The following RHBDL3 variants were observed in gnomAD, a reference collection of about 807,000 sequenced individuals.
RHBDL3 encodes rhomboid like 3.
In RHBDL3, 28 loss-of-function variants were observed where a neutral mutation model predicts 48.2. The ratio of observed to expected loss-of-function variants is 0.58; its 90% CI spans 0.43 to 0.80. The LOEUF (loss-of-function observed/expected upper bound fraction) is 0.80, where lower values mean the gene tolerates loss of function less well. RHBDL3 is among the 30% of genes least tolerant of loss of function. RHBDL3 has a pLI of 0.00. For synonymous variants in RHBDL3, 208 were observed against 232.3 expected (o/e 0.90, Z 0.95); for missense variants, 464 against 542.7 (o/e 0.85, Z 1.44).
chr17:32,288,516 T>G, intron 3 of RHBDL3: 3 of 417,046 alleles, frequency 7.2e-6, no homozygotes, highest in Non-Finnish European at 8.8e-6. Context: ...GCTCTCGGTG[T>G]CTCAGTTTCC....
chr17:32,285,569 T>C (rs2040179745), intron 3 of RHBDL3, among the ~76,000 whole-genome samples: 1 of 152,110 alleles, frequency 6.6e-6, no homozygotes, highest in South Asian at 2.1e-4. Flanking sequence ...AGTGCTGCGC[T>C]ATTTCAGGGG....
At position 32,288,934 on chromosome 17, in the gene RHBDL3, G is replaced by A. The variant is rs762346732; in HGVS notation, c.437G>A (p.Arg146Gln). 71 of 1,614,076 alleles carry A rather than the reference G, an allele frequency of 4.4e-5. No individual in the cohort carries two copies. Among genetic ancestry groups the A allele is most frequent in the East Asian group, 1.6e-4 (7 of 44,888 alleles). The change falls in exon 4 of 9, where the codon CGG (arginine) becomes CAG (glutamine). Residue 146 changes from arginine to glutamine, a missense_variant. Physicochemically the swap from Arg to Gln is conservative, Grantham distance 43. Transcript: ENST00000269051. Reference protein sequence around the residue: ...IRHVAYETLPREIDRKWYYDS... With the variant: ...IRHVAYETLPQEIDRKWYYDS... ...CATGTGGCCTATGAGACCCTGCCCC[G>A]GGAAATTGACCGCAAGTGGTACTAT...
In RHBDL3 at chr17:32,284,692, G is replaced by C. The variant is rs1026704363; in HGVS notation, c.169G>C (p.Gly57Arg). The C allele has an allele frequency of 7.4e-6, 12 of 1,614,190 alleles. No homozygotes were observed. Among genetic ancestry groups the C allele is most frequent in the African/African-American group, 1.3e-5 (1 of 75,052 alleles). ...TGGGAACACAGGCTACATTAGCACA[G>C]GCAAGTTCCGGAGTCTTCTGGAGAG... Reference protein sequence around the residue: ...DPGNTGYISTGKFRSLLESHS... With the variant: ...DPGNTGYISTRKFRSLLESHS... Residue 57 changes from glycine (G) to arginine (R), a missense_variant, in exon 3 of 9, where the codon GGC becomes CGC. Transcript: ENST00000269051.
At chr17:32,276,378 A>G (rs2039899550) in intron 2 of RHBDL3, among the ~76,000 whole-genome samples, 1 of 152,114 alleles carries the variant, frequency 6.6e-6, no homozygotes, top group East Asian at 1.9e-4. Context: ...CTGGGAGAGA[A>G]AGCTCCTACT....
chr17:32,299,452 G>A (rs902911845), intron 6 of RHBDL3, among the ~76,000 whole-genome samples: 6 of 152,118 alleles, frequency 3.9e-5, no homozygotes, highest in African/African-American at 1.4e-4. Context: ...GGGCTAATGA[G>A]CATCTCTAAG....
chr17:32,301,159 C>T (rs1206647499), intron 6 of RHBDL3, among the ~76,000 whole-genome samples: 6 of 151,740 alleles, frequency 4.0e-5, no homozygotes, highest in Non-Finnish European at 5.9e-5. Context: ...GGATTACAGG[C>T]GTGAGCCACT....
intron 8 of RHBDL3, among the ~76,000 whole-genome samples, chr17:32,320,719 C>G (rs1029769838): frequency 6.6e-6 from 1 of 152,240 alleles, no homozygotes; most frequent in Admixed American, 6.5e-5. Context: ...TGTTTCCCCC[C>G]ATAGATGTCT....
At chr17:32,269,698 C>G (rs1051156317) in intron 2 of RHBDL3, among the ~76,000 whole-genome samples, 1 of 152,250 alleles carries the variant, frequency 6.6e-6, no homozygotes, top group African/African-American at 2.4e-5. Context: ...GCTGCCAGCC[C>G]TTCACACCTC....
intron 1 of RHBDL3, among the ~76,000 whole-genome samples, chr17:32,267,494 A>G (rs1258602512): frequency 6.6e-6 from 1 of 150,824 alleles, no homozygotes; most frequent in Non-Finnish European, 1.5e-5. Flanking sequence ...GTCTGATGGA[A>G]TTGCACCTGG....
rs1034033016 is a variant in RHBDL3, at chr17:32,306,182, G to A, written c.882+741G>A. Among the ~76,000 whole-genome samples the A allele has an allele frequency of 3.9e-5, 6 of 152,174 alleles. No individual in the cohort carries two copies. In the East Asian group the frequency reaches 7.8e-4, roughly 20 times the overall value. ...CTCATGCCTGTAATCCCAGCACTTT[G>A]GGAGGCCAAGGCAGGCGGATCATGA... On this transcript the variant is annotated intron_variant, in intron 7 of 8. Coordinates refer to ENST00000269051, the MANE Select transcript of RHBDL3 (RefSeq NM_138328.3).
At position 32,288,844 on chromosome 17, in the gene RHBDL3, G is replaced by A. The variant is rs370514139; in HGVS notation, c.347G>A (p.Arg116His). Residue 116 changes from arginine (R) to histidine (H), a missense_variant, in exon 4 of 9, where the codon CGC becomes CAC. Coordinates refer to ENST00000269051, the MANE Select transcript of RHBDL3 (RefSeq NM_138328.3). The part of the protein sequence containing the change: ...SFRQAILQGN[R>H]RLSSKALLEE... Reference sequence around the variant, plus strand: ...CGCCAAGCCATCCTGCAGGGCAACCGCAGGCTAAGCAGCAAGGCCCTGCTG... The same window carrying A: ...CGCCAAGCCATCCTGCAGGGCAACCACAGGCTAAGCAGCAAGGCCCTGCTG... The A allele has an allele frequency of 1.6e-5, 26 of 1,613,874 alleles. No individual in the cohort carries two copies. The highest frequency in any genetic ancestry group is 6.7e-5 in the East Asian group (3 of 44,894).
chr17:32,305,008 C>T (rs887357202), intron 6 of RHBDL3, among the ~76,000 whole-genome samples: 2 of 152,132 alleles, frequency 1.3e-5, no homozygotes. Context: ...GTAGTTCCAG[C>T]TACTTGGGAA....
Position 32,284,640 on chromosome 17 carries a change from C to T in RHBDL3, c.136-19C>T. The T allele has an allele frequency of 6.2e-7, 1 of 1,612,382 alleles. No homozygotes were observed. The highest frequency in any genetic ancestry group is 8.5e-7 in the Non-Finnish European group (1 of 1,178,570). On this transcript the variant is annotated intron_variant, in intron 2 of 8. Transcript: ENST00000269051. Reference sequence around the variant, plus strand: ...AGGTGGTGCCCTGCTGACCCTGCTGCTGTCTGCTTTTCCCTCAGTTTGACC... The same window carrying T: ...AGGTGGTGCCCTGCTGACCCTGCTGTTGTCTGCTTTTCCCTCAGTTTGACC...
intron 2 of RHBDL3, 148 bp from the exon 3 acceptor site, chr17:32,284,511 G>A: frequency 3.0e-6 from 2 of 669,894 alleles, no homozygotes; most frequent in East Asian, 2.7e-5. Flanking sequence ...GTTTCCCAGG[G>A]GGGTCCTTGG....
At chr17:32,276,572 G>T (rs529586363) in intron 2 of RHBDL3, among the ~76,000 whole-genome samples, 57 of 152,246 alleles carry the variant, frequency 3.7e-4, no homozygotes, top group African/African-American at 1.3e-3. Context: ...GAGTAATGAG[G>T]CAGGGGGCCA....
chr17:32,282,768 G>T (rs1300045101), intron 2 of RHBDL3, among the ~76,000 whole-genome samples: 1 of 152,100 alleles, frequency 6.6e-6, no homozygotes, highest in African/African-American at 2.4e-5. Flanking sequence ...GACTACAGGC[G>T]CCTGCAACCA....
At chr17:32,299,562 A>C (rs970438954) in intron 6 of RHBDL3, among the ~76,000 whole-genome samples, 2 of 152,236 alleles carry the variant, frequency 1.3e-5, no homozygotes, top group Non-Finnish European at 1.5e-5. Flanking sequence ...CCAGATGTTA[A>C]ATAGCAAGGA....
chr17:32,266,853 C>T (rs1029672938), intron 1 of RHBDL3, among the ~76,000 whole-genome samples: 2 of 151,900 alleles, frequency 1.3e-5, no homozygotes, highest in Admixed American at 6.6e-5. Flanking sequence ...GCAAAGAGTG[C>T]TGGGAGCGGC....
chr17:32,298,094 T>C lies in RHBDL3; in HGVS notation c.671T>C (p.Ile224Thr), dbSNP rs753285648. The change falls in exon 6 of 9, where the codon ATA (isoleucine) becomes ACA (threonine). Residue 224 changes from isoleucine (I) to threonine (T), a missense_variant and splice_region_variant. Physicochemically the swap from Ile to Thr is moderately conservative, Grantham distance 89. Transcript: ENST00000269051. ...TGAGTGTGGTCTCTCTGTCACAGGA[T>C]AGAACACCTGGGACTCAATGTGGTG... The part of the protein sequence containing the change: ...YLTYIFMHAG[I>T]EHLGLNVVLQ... 1 of 1,604,908 alleles carries C rather than the reference T, an allele frequency of 6.2e-7. No homozygotes were observed. The highest frequency in any genetic ancestry group is 8.5e-7 in the Non-Finnish European group (1 of 1,171,784).
Sources: gnomAD v4.1 joint callset for allele counts (sites outside exome capture counted in the v4.1 genomes callset) on GRCh38, gnomAD v4.1.1 for gene constraint, MANE v1.5 for transcripts, NCBI Gene and HGNC (gene_info 2026-07-23, HGNC 2026-07-21) for gene names.